Variants in LRRC28 observed in about 807,000 individuals in gnomAD.
LRRC28 encodes leucine rich repeat containing 28, also known as leucine-rich repeat-containing protein 28.
A neutral mutation model predicts 45.7 loss-of-function variants in LRRC28; 39 were observed. The ratio of observed to expected loss-of-function variants is 0.85; its 90% confidence interval spans 0.66 to 1.12. The LOEUF is 1.12. Ranked by LOEUF, LRRC28 falls within the 50% of genes most tolerant of loss-of-function variation. LRRC28 has a pLI of 0.00. For missense variants in LRRC28, 435 were observed against 438.5 expected, an observed-to-expected ratio of 0.99 and a Z score of 0.07; for synonymous variants, 206 against 178.8, an observed-to-expected ratio of 1.15 and a Z score of -1.22.
chr15:99,260,871 G>A (rs2081177787), intron 2 of LRRC28, among the ~76,000 whole-genome samples: 1 of 152,006 alleles, frequency 6.6e-6, no homozygotes, highest in African/African-American at 2.4e-5. Flanking sequence ...AACAAGCTTG[G>A]GAATCTGTCA....
chr15:99,365,293 A>T (rs970648706), intron 9 of LRRC28, among the ~76,000 whole-genome samples: 2 of 152,278 alleles, frequency 1.3e-5, no homozygotes, highest in Non-Finnish European at 2.9e-5. Flanking sequence ...TCATAAAATG[A>T]GTATATCAAG....
rs1250503285 is a variant in LRRC28 at position 99,291,845 on chromosome 15, CTGTT to C, written c.385+3900_385+3903del. 4.6e-5 allele frequency among the ~76,000 whole-genome samples: 7 copies of C among 152,288 alleles called. No individual in the cohort carries two copies. In the South Asian group the frequency reaches 6.2e-4, roughly 14 times the overall value. On this transcript the variant is annotated intron_variant, in intron 5 of 9. Transcript: ENST00000301981. ...CATTCTTGTCAACATTTGGTGTTGT[CTGTT>C]TGTTTAGCCATCATAGTGGGTGTGA...
intron 3 of LRRC28, among the ~76,000 whole-genome samples, chr15:99,277,779 C>A (rs944353729): frequency 6.7e-6 from 1 of 150,178 alleles, no homozygotes; most frequent in African/African-American, 2.4e-5. Context: ...ATGGCTTTTT[C>A]TTTGTCTCTA....
intron 5 of LRRC28, among the ~76,000 whole-genome samples, chr15:99,326,347 C>A (rs1414868138): frequency 6.6e-6 from 1 of 152,170 alleles, no homozygotes; most frequent in Non-Finnish European, 1.5e-5. Flanking sequence ...TTTATTCTTT[C>A]AGCAAAGAGA....
intron 3 of LRRC28, among the ~76,000 whole-genome samples, chr15:99,281,916 G>T (rs1190682494): frequency 6.6e-6 from 1 of 152,102 alleles, no homozygotes; most frequent in Non-Finnish European, 1.5e-5. Context: ...CTGTTCAGCT[G>T]ATTGATTTTC....
At chr15:99,321,764 G>A (rs1458062653) in intron 5 of LRRC28, among the ~76,000 whole-genome samples, 2 of 152,336 alleles carry the variant, frequency 1.3e-5, no homozygotes, top group Non-Finnish European at 2.9e-5. Context: ...CACCTACCAT[G>A]TGCTAGACTC....
intron 9 of LRRC28, among the ~76,000 whole-genome samples, chr15:99,366,990 C>T (rs1957358172): frequency 6.6e-6 from 1 of 152,190 alleles, no homozygotes; most frequent in Admixed American, 6.5e-5. Flanking sequence ...TCCCCACCAG[C>T]AACCAGTCAG....
At chr15:99,364,091 G>A (rs1346639988) in intron 9 of LRRC28, among the ~76,000 whole-genome samples, 2 of 152,118 alleles carry the variant, frequency 1.3e-5, no homozygotes, top group Non-Finnish European at 2.9e-5. Context: ...ACCTCTCCAA[G>A]ATTTTCTTTC....
chr15:99,305,915 A>C, intron 5 of LRRC28, among the ~76,000 whole-genome samples: 1 of 152,216 alleles, frequency 6.6e-6, no homozygotes, highest in Non-Finnish European at 1.5e-5. Flanking sequence ...CACTTAGAAA[A>C]AGAGGGCAGT....
At chr15:99,345,259 T>C (rs1408199855) in intron 6 of LRRC28, among the ~76,000 whole-genome samples, 1 of 152,050 alleles carries the variant, frequency 6.6e-6, no homozygotes, top group Non-Finnish European at 1.5e-5. Context: ...CCATTGCATA[T>C]ACCCAGGTAA....
intron 5 of LRRC28, among the ~76,000 whole-genome samples, chr15:99,326,218 TAAAAAATAA>T (rs1451097132): frequency 1.3e-5 from 2 of 152,160 alleles, no homozygotes; most frequent in Non-Finnish European, 2.9e-5. Flanking sequence ...CTTTGCTTTT[TAAAAAATAA>T]AAAAAATGAT....
chr15:99,283,969 T>C (rs1461326862), intron 3 of LRRC28, among the ~76,000 whole-genome samples: 1 of 152,242 alleles, frequency 6.6e-6, no homozygotes, highest in Non-Finnish European at 1.5e-5. Context: ...AGAGCATTCA[T>C]TTAACTCTTA....
At chr15:99,327,925 T>G (rs1956037480) in intron 5 of LRRC28, among the ~76,000 whole-genome samples, 1 of 152,244 alleles carries the variant, frequency 6.6e-6, no homozygotes, top group African/African-American at 2.4e-5. Flanking sequence ...TGTTTCTATT[T>G]GGCAAAAATA....
intron 3 of LRRC28, among the ~76,000 whole-genome samples, chr15:99,277,502 A>G (rs1037478565): frequency 2.0e-5 from 3 of 152,122 alleles, no homozygotes; most frequent in African/African-American, 7.2e-5. Context: ...TTACAGACAT[A>G]ATGTCATTAT....
intron 8 of LRRC28, 74 bp downstream of exon 8, chr15:99,361,585 C>T (rs1430956296): frequency 7.1e-7 from 1 of 1,406,960 alleles, no homozygotes; most frequent in Non-Finnish European, 9.5e-7. Context: ...CCTGTTTTGG[C>T]GTTCATCTTT....
intron 1 of LRRC28, among the ~76,000 whole-genome samples, chr15:99,252,658 G>C (rs2080873070): frequency 1.3e-5 from 2 of 152,178 alleles, no homozygotes. Flanking sequence ...ACATCCTTGT[G>C]GCATGTAGCA....
At chr15:99,303,574 C>G (rs1955062696) in intron 5 of LRRC28, among the ~76,000 whole-genome samples, 1 of 152,266 alleles carries the variant, frequency 6.6e-6, no homozygotes, top group Admixed American at 6.5e-5. Context: ...TGGCTCATGC[C>G]TACAATCCTA....
At chr15:99,366,116 A>G (rs965719963) in intron 9 of LRRC28, among the ~76,000 whole-genome samples, 5 of 152,210 alleles carry the variant, frequency 3.3e-5, no homozygotes, top group Non-Finnish European at 5.9e-5. Context: ...GCTGCAACAA[A>G]GTGCTGCAAA....
chr15:99,349,433 G>A (rs1956801273), intron 6 of LRRC28, among the ~76,000 whole-genome samples: 1 of 151,974 alleles, frequency 6.6e-6, no homozygotes, highest in South Asian at 2.1e-4. Context: ...AATAAATTAG[G>A]ACTCTATTTG....
Sources: allele counts gnomAD v4.1 joint callset (sites outside exome capture counted in the v4.1 genomes callset), GRCh38; gene constraint gnomAD v4.1.1; transcripts MANE v1.5; gene names NCBI Gene and HGNC (gene_info 2026-07-23, HGNC 2026-07-21).